CATSPERE: variants seen among roughly 807,000 people sequenced by gnomAD.
The protein encoded by CATSPERE is cation channel sperm-associated auxiliary subunit epsilon.
In CATSPERE, 93 loss-of-function variants were observed where a neutral mutation model predicts 114.1. That is an observed-to-expected ratio of 0.81 (90% CI 0.69 to 0.97). The LOEUF (loss-of-function observed/expected upper bound fraction) is 0.97, where lower values mean the gene tolerates loss of function less well. Ranked by LOEUF, CATSPERE falls within the 50% of genes least tolerant of loss-of-function variation. The pLI, the probability that CATSPERE is intolerant of heterozygous loss-of-function variation, is 0.00. For synonymous variants in CATSPERE, 341 were observed against 384.1 expected, an observed-to-expected ratio of 0.89 and a Z score of 1.31; for missense variants, 1,058 against 1,131.6, an observed-to-expected ratio of 0.93 and a Z score of 0.93.
At chr1:244,556,519 C>T (rs1162182621) in intron 9 of CATSPERE, among the ~76,000 whole-genome samples, 1 of 151,666 alleles carries the variant, frequency 6.6e-6, no homozygotes, top group East Asian at 1.9e-4. Flanking sequence ...TATTTAGAAG[C>T]CCACTTTAAA....
At chr1:244,520,103 A>T (rs1424791613) in intron 8 of CATSPERE, among the ~76,000 whole-genome samples, 1 of 152,176 alleles carries the variant, frequency 6.6e-6, no homozygotes, top group Non-Finnish European at 1.5e-5. Flanking sequence ...CAGGTTCTTC[A>T]TGATACCCTT....
intron 19 of CATSPERE, among the ~76,000 whole-genome samples, chr1:244,616,312 A>G (rs140165792): frequency 6.6e-6 from 1 of 152,356 alleles, no homozygotes; most frequent in African/African-American, 2.4e-5. Context: ...AGACTGTGCA[A>G]GAGCTGATTG....
intron 21 of CATSPERE, among the ~76,000 whole-genome samples, chr1:244,638,534 A>G (rs1012632255): frequency 2.0e-5 from 3 of 152,198 alleles, no homozygotes; most frequent in African/African-American, 4.8e-5. Flanking sequence ...GCATCTATAT[A>G]CACATGGCTC....
At chr1:244,498,501 T>C (rs1219424203) in intron 6 of CATSPERE, among the ~76,000 whole-genome samples, 4 of 152,210 alleles carry the variant, frequency 2.6e-5, no homozygotes, top group Admixed American at 6.5e-5. Flanking sequence ...TCTGCATCTA[T>C]TGAACTCTCA....
At chr1:244,497,220 A>G (rs1488620745) in intron 6 of CATSPERE, among the ~76,000 whole-genome samples, 2 of 152,194 alleles carry the variant, frequency 1.3e-5, no homozygotes, top group African/African-American at 2.4e-5. Flanking sequence ...ACCAAGCTAT[A>G]TGATAATTTT....
chr1:244,532,034 T>C (rs1431416528), intron 8 of CATSPERE, among the ~76,000 whole-genome samples: 1 of 152,166 alleles, frequency 6.6e-6, no homozygotes, highest in Non-Finnish European at 1.5e-5. Flanking sequence ...AATCTTAGAT[T>C]TCTTCATGGT....
intron 20 of CATSPERE, among the ~76,000 whole-genome samples, chr1:244,621,546 C>T (rs547488000): frequency 4.6e-5 from 7 of 151,324 alleles, no homozygotes; most frequent in Non-Finnish European, 7.4e-5. Context: ...CAGAAAATCC[C>T]GAAAGGAAAA....
chr1:244,493,772 C>T (rs1234946366), intron 6 of CATSPERE, among the ~76,000 whole-genome samples: 1 of 152,120 alleles, frequency 6.6e-6, no homozygotes, highest in Non-Finnish European at 1.5e-5. Context: ...CAAACAACCC[C>T]ATCAAAAAGT....
chr1:244,456,957 G>C (rs1385389986), upstream of CATSPERE, among the ~76,000 whole-genome samples: 1 of 152,202 alleles, frequency 6.6e-6, no homozygotes, highest in Non-Finnish European at 1.5e-5. Context: ...AAGATTGTAA[G>C]AAGGCATAGG....
chr1:244,565,449 A>T (rs1663296190), intron 10 of CATSPERE, among the ~76,000 whole-genome samples: 1 of 152,126 alleles, frequency 6.6e-6, no homozygotes, highest in Non-Finnish European at 1.5e-5. Flanking sequence ...CTATTCAAGG[A>T]TTTGACTTCT....
Position 244,575,785 on chromosome 1 carries a change from T to G in CATSPERE, c.1950+3013T>G, listed in dbSNP as rs1339779631. On this transcript the variant is annotated intron_variant, in intron 11 of 21. Transcript: ENST00000366534. This position sits in a 1 kb window ranked among gnomAD's most constrained non-coding sequence, Gnocchi z 4.5. Reference sequence around the variant, plus strand: ...AGGGAGCAGCTGGTGGGAGTGGAGCTTAGCCTCTTTCTTCCACCGAGAAGA... The same window carrying G: ...AGGGAGCAGCTGGTGGGAGTGGAGCGTAGCCTCTTTCTTCCACCGAGAAGA... Among the ~76,000 whole-genome samples, 1 of 151,922 alleles carries G rather than the reference T, an allele frequency of 6.6e-6. No individual in the cohort carries two copies. Among genetic ancestry groups the G allele is most frequent in the East Asian group, 1.9e-4 (1 of 5,158 alleles).
chr1:244,455,330 T>C (rs192512677), intron 1 of CATSPERE, among the ~76,000 whole-genome samples: 8 of 152,234 alleles, frequency 5.3e-5, no homozygotes, highest in Admixed American at 2.6e-4. Context: ...TGGGGGAGAT[T>C]CTACATCTTG....
chr1:244,629,122 C>T (rs1170499567), intron 20 of CATSPERE, among the ~76,000 whole-genome samples: 3 of 152,168 alleles, frequency 2.0e-5, no homozygotes, highest in Non-Finnish European at 2.9e-5. Context: ...CTTGCTTTTG[C>T]TTCAAAACTG....
intron 9 of CATSPERE, among the ~76,000 whole-genome samples, chr1:244,555,382 C>CAA (rs760097677): frequency 8.3e-5 from 7 of 84,530 alleles, no homozygotes; most frequent in South Asian, 4.0e-4. Flanking sequence ...GACTCCATCC[C>CAA]AAAAAAAAAA....
intron 5 of CATSPERE, among the ~76,000 whole-genome samples, chr1:244,489,678 C>A (rs549256532): frequency 4.9e-4 from 75 of 152,032 alleles, no homozygotes; most frequent in Middle Eastern, 6.8e-3. Context: ...AATGAACCCT[C>A]TGGAGGCCTT....
rs75105221 is a variant in CATSPERE at position 244,560,687 on chromosome 1, C to A, written c.1049C>A (p.Thr350Asn). 8,897 of 1,606,618 alleles carry A rather than the reference C, an allele frequency of 5.5e-3. 122 individuals are homozygous for A. In the East Asian group the frequency reaches 0.063, roughly 11 times the overall value. Residue 350 changes from threonine (T) to asparagine (N), a missense_variant, in exon 10 of 22, where the codon ACC (threonine) becomes AAC (asparagine). This residue lies in a region of CATSPERE where 787 missense variants were observed against 905.6 expected (regional missense o/e 0.87). Coordinates refer to ENST00000366534, the MANE Select transcript of CATSPERE (RefSeq NM_001130957.2). ...TCACAGGCTAAAGGAAGAAGAAGCA[C>A]CTTTGCAGTCTGGACAGAAAATGAA... ...YLLKAKGRRSTFAVWTENEIY... is the reference protein window; with the variant it reads ...YLLKAKGRRSNFAVWTENEIY...
intron 17 of CATSPERE, among the ~76,000 whole-genome samples, chr1:244,596,015 T>G (rs528892526): frequency 3.9e-5 from 6 of 152,244 alleles, no homozygotes; most frequent in African/African-American, 1.4e-4. Flanking sequence ...CAAATCTAAG[T>G]AGGGAGACCA....
At chr1:244,509,954 G>A (rs191584970) in intron 7 of CATSPERE, among the ~76,000 whole-genome samples, 4 of 152,104 alleles carry the variant, frequency 2.6e-5, no homozygotes, top group East Asian at 1.9e-4. Flanking sequence ...TGATTTTATC[G>A]AGTCTTCTCT....
At chr1:244,496,746 A>G (rs563785501) in intron 6 of CATSPERE, among the ~76,000 whole-genome samples, 6 of 152,322 alleles carry the variant, frequency 3.9e-5, no homozygotes, top group Non-Finnish European at 5.9e-5. Context: ...CAGAATTGCT[A>G]TGGATTAAAC....
Sources: gnomAD v4.1 joint callset for allele counts (sites outside exome capture counted in the v4.1 genomes callset) on GRCh38, gnomAD v4.1.1 for gene constraint, gnomAD v4.1.1 regional missense constraint, Gnocchi (gnomAD v3.1) non-coding constraint, MANE v1.5 for transcripts, NCBI Gene and HGNC (gene_info 2026-07-23, HGNC 2026-07-21) for gene names.